The following ATP8B4 variants were observed in gnomAD, a reference collection of about 807,000 sequenced individuals.
ATP8B4 encodes ATPase phospholipid transporting 8B4 (putative).
Under a neutral mutation model 145.6 loss-of-function variants are expected in ATP8B4, and 133 were observed. The observed-to-expected ratio is 0.91, with a 90% CI of 0.79 to 1.05. ATP8B4 has a LOEUF of 1.05. Among genes scored for constraint, ATP8B4 ranks in the 50% least tolerant of loss-of-function variants. The pLI is 0.00. For missense variants in ATP8B4, 1,458 were observed against 1,425.2 expected (o/e 1.02, Z -0.37); for synonymous variants, 507 against 492.9 (o/e 1.03, Z -0.38).
intron 1 of ATP8B4, among the ~76,000 whole-genome samples, chr15:50,129,685 A>G (rs764909004): frequency 9.9e-5 from 15 of 152,204 alleles, no homozygotes; most frequent in Non-Finnish European, 2.1e-4. Context: ...GCACAAATGC[A>G]AAAGGGGATT....
At chr15:49,900,763 T>C (rs1286128763) in intron 21 of ATP8B4, among the ~76,000 whole-genome samples, 1 of 152,184 alleles carries the variant, frequency 6.6e-6, no homozygotes, top group Non-Finnish European at 1.5e-5. Context: ...ATTATTTTAA[T>C]TAAGTAACAG....
At chr15:50,151,104 T>C (rs74012177) in intron 1 of ATP8B4, among the ~76,000 whole-genome samples, 8,372 of 152,280 alleles carry the variant, frequency 0.055, 251 homozygotes, top group African/African-American at 0.083. Context: ...TTTCAGCTTA[T>C]AGGGCTTCAG....
rs771558120 is a variant in ATP8B4 at position 50,112,441 on chromosome 15, G to A, written c.-42-5433C>T. On this transcript the variant is annotated intron_variant, in intron 1 of 27. Coordinates refer to ENST00000284509, the MANE Select transcript of ATP8B4 (RefSeq NM_024837.4). The stretch of plus-strand genomic sequence containing the variant: ...ACTCAGGAAAAAGCAGGCCAAGGAG[G>A]AAGGGACCCAATATGGAACATGCCC... Among the ~76,000 whole-genome samples, 3 of 152,116 alleles carry A rather than the reference G, an allele frequency of 2.0e-5. No individual in the cohort carries two copies. In the South Asian group the frequency reaches 6.2e-4, roughly 32 times the overall value.
intron 2 of ATP8B4, among the ~76,000 whole-genome samples, chr15:50,087,121 T>C (rs1188801695): frequency 1.6e-5 from 2 of 125,968 alleles, no homozygotes; most frequent in Non-Finnish European, 3.1e-5. Flanking sequence ...ATTTATTATA[T>C]ATAATATATA....
rs115089563 is a variant in ATP8B4, at chr15:49,962,748, G to A, written c.1244-728C>T. On this transcript the variant is annotated intron_variant, in intron 13 of 27. Coordinates refer to ENST00000284509, the MANE Select transcript of ATP8B4 (RefSeq NM_024837.4). ...TCTTGTTTTTACAGTTTTTAACCAT[G>A]TAAAGTATGAGAATTTCTCCTATCA... Among the ~76,000 whole-genome samples the A allele has an allele frequency of 3.9e-3, 591 of 152,184 alleles. 3 individuals carry two copies. The highest frequency in any genetic ancestry group is 0.014 in the African/African-American group (567 of 41,516).
At chr15:50,181,609 TAG>T (rs551894538) in intron 1 of ATP8B4, among the ~76,000 whole-genome samples, 154 of 152,332 alleles carry the variant, frequency 1.0e-3, no homozygotes, top group Middle Eastern at 3.4e-3. Context: ...CCGACTAGGT[TAG>T]AGTGTCCTGC....
intron 6 of ATP8B4, among the ~76,000 whole-genome samples, chr15:50,031,779 C>T (rs1006597822): frequency 2.6e-5 from 4 of 151,886 alleles, no homozygotes; most frequent in African/African-American, 9.7e-5. Flanking sequence ...GTCTACATGC[C>T]TCTAACCTGG....
chr15:50,101,227 T>C (rs2056331959), intron 2 of ATP8B4, among the ~76,000 whole-genome samples: 1 of 152,118 alleles, frequency 6.6e-6, no homozygotes, highest in African/African-American at 2.4e-5. Flanking sequence ...GTTACATTTC[T>C]CAGGTATGGT....
chr15:49,980,156 G>T (rs942691826), intron 11 of ATP8B4, among the ~76,000 whole-genome samples: 1 of 152,166 alleles, frequency 6.6e-6, no homozygotes, highest in African/African-American at 2.4e-5. Context: ...TCTGTATGAA[G>T]GTGACTGGTA....
At chr15:50,165,860 AAG>A (rs2044589369) in intron 1 of ATP8B4, among the ~76,000 whole-genome samples, 1 of 152,226 alleles carries the variant, frequency 6.6e-6, no homozygotes, top group Admixed American at 6.5e-5. Flanking sequence ...AAAGAGAGAG[AAG>A]AGAGATAACA....
chr15:50,076,500 A>AT (rs397716765), intron 2 of ATP8B4, among the ~76,000 whole-genome samples: 1 of 151,904 alleles, frequency 6.6e-6, no homozygotes, highest in Non-Finnish European at 1.5e-5. Context: ...CAAAAAAAAA[A>AT]GAAAAAAGAA....
At chr15:50,177,949 A>G (rs542868371) in intron 1 of ATP8B4, among the ~76,000 whole-genome samples, 1 of 152,322 alleles carries the variant, frequency 6.6e-6, no homozygotes, top group East Asian at 1.9e-4. Context: ...TGAAGGGGGT[A>G]GGGAAGGTCT....
At chr15:50,087,553 A>G (rs1436221498) in intron 2 of ATP8B4, among the ~76,000 whole-genome samples, 1 of 151,376 alleles carries the variant, frequency 6.6e-6, no homozygotes, top group Non-Finnish European at 1.5e-5. Context: ...TATAATAAAC[A>G]TATTTTTCTT....
intron 7 of ATP8B4, among the ~76,000 whole-genome samples, chr15:50,003,211 G>A (rs1050274404): frequency 1.3e-5 from 2 of 151,312 alleles, no homozygotes; most frequent in African/African-American, 2.4e-5. Context: ...GTTAAATTTA[G>A]AATCAACTTA....
intron 20 of ATP8B4, among the ~76,000 whole-genome samples, chr15:49,916,613 A>T (rs979679891): frequency 1.3e-5 from 2 of 152,148 alleles, no homozygotes; most frequent in Non-Finnish European, 2.9e-5. Context: ...GATACTGATC[A>T]CTCATCACCA....
At chr15:49,980,140 A>C (rs935560962) in intron 11 of ATP8B4, among the ~76,000 whole-genome samples, 1 of 152,192 alleles carries the variant, frequency 6.6e-6, no homozygotes. Flanking sequence ...TCTTGGCCTC[A>C]TAGGCTCTGT....
rs141835186 is a variant in ATP8B4, at chr15:50,042,016, G to A, written c.300+2578C>T. Among the ~76,000 whole-genome samples, 164 of 151,828 alleles carry A rather than the reference G, an allele frequency of 1.1e-3. 6 individuals carry two copies. In the East Asian group the frequency reaches 0.031, roughly 28 times the overall value. On this transcript the variant is annotated intron_variant, in intron 5 of 27. Coordinates refer to ENST00000284509, the MANE Select transcript of ATP8B4 (RefSeq NM_024837.4). ...CTAAAACACAAAAAATTAGCCAGGCGTTGCAGCATACACCTGTAGTCCCAG... is the reference window on the plus strand; with the variant it reads ...CTAAAACACAAAAAATTAGCCAGGCATTGCAGCATACACCTGTAGTCCCAG...
At chr15:50,123,640 T>C (rs2057288016), upstream of ATP8B4, among the ~76,000 whole-genome samples, 1 of 152,200 alleles carries the variant, frequency 6.6e-6, no homozygotes, top group South Asian at 2.1e-4. Context: ...GAGACTGATT[T>C]GAGTAATAAT....
chr15:49,923,426 G>A lies in ATP8B4; in HGVS notation c.1711C>T (p.His571Tyr). The A allele has an allele frequency of 3.7e-6, 6 of 1,613,764 alleles. No individual in the cohort carries two copies. Among genetic ancestry groups the A allele is most frequent in the South Asian group, 1.1e-5 (1 of 91,046 alleles). Residue 571 changes from histidine to tyrosine, a missense_variant, in exon 17 of 28, where the codon CAT becomes TAT. Physicochemically the swap from His to Tyr is moderately conservative, Grantham distance 83. Transcript: ENST00000284509. ...GACAAAAGGACTTCATTGGAAGGAT[G>A]AAGTTTTTCAAACAGAATAGTATCT... is the stretch of plus-strand genomic sequence containing the variant. ...GADTILFEKL[H>Y]PSNEVLLSLT...
Sources: allele counts gnomAD v4.1 joint callset (sites outside exome capture counted in the v4.1 genomes callset), GRCh38; gene constraint gnomAD v4.1.1; transcripts MANE v1.5; gene names NCBI Gene and HGNC (gene_info 2026-07-23, HGNC 2026-07-21).